Variants in TMPRSS3 observed in about 807,000 individuals in gnomAD.
TMPRSS3 encodes the protein transmembrane protease serine 3.
Under a neutral mutation model 59.6 loss-of-function variants are expected in TMPRSS3, and 55 were observed. The observed-to-expected ratio is 0.92, with a 90% CI of 0.74 to 1.16. TMPRSS3 has a LOEUF of 1.16. Ranked by LOEUF, TMPRSS3 falls within the 50% of genes most tolerant of loss-of-function variation. The probability of loss-of-function intolerance (pLI) is 0.00; values close to 1 mark genes in which losing one functional copy is unlikely to be tolerated. For missense variants in TMPRSS3, 596 were observed against 579.4 expected (o/e 1.03, Z -0.29); for synonymous variants, 257 against 237.7 (o/e 1.08, Z -0.75).
chr21:42,395,698 CTT>C, intron 1 of TMPRSS3: 1 of 421,876 alleles, frequency 2.4e-6, no homozygotes, highest in Non-Finnish European at 4.3e-6. Flanking sequence ...AAAGTATGAA[CTT>C]AATTCTGCTA....
rs1472628655 is a variant in TMPRSS3 at position 42,372,575 on chromosome 21, A to C, written c.*187T>G. The C allele has an allele frequency of 5.3e-6, 4 of 758,238 alleles. No homozygotes were observed. Among genetic ancestry groups the C allele is most frequent in the Non-Finnish European group, 9.6e-6 (4 of 414,922 alleles). The allele number at this position is 758,238 out of a possible 1,614,324, so 47.0% of individuals were successfully genotyped here. A position where few individuals can be genotyped will look rare whatever the true frequency, so the allele number is the denominator to read the frequency against. ...ACTCCATCTCAAAAAAACAAAAAACAAAAAGCAGCTTGAAGGTTGTGCTGG... is the reference window on the plus strand; with the variant it reads ...ACTCCATCTCAAAAAAACAAAAAACCAAAAGCAGCTTGAAGGTTGTGCTGG... On this transcript the variant is annotated 3_prime_UTR_variant, in exon 13 of 13. Coordinates refer to ENST00000644384, the MANE Select transcript of TMPRSS3 (RefSeq NM_001256317.3).
In TMPRSS3 at chr21:42,375,876, A is replaced by G. The variant is rs751114709; in HGVS notation, c.1192-8T>C. On this transcript the variant is annotated splice_region_variant and splice_polypyrimidine_tract_variant and intron_variant, in intron 11 of 12. Coordinates refer to ENST00000644384, the MANE Select transcript of TMPRSS3 (RefSeq NM_001256317.3). ...GGGCCCCCCGCTGTCCCCCTGGGTG[A>G]CAGGAAAGAAGCAAAGATTGGGGGA... 5.6e-6 allele frequency: 9 copies of G among 1,613,256 alleles called. No homozygotes were observed. The South Asian group carries it at 9.9e-5, about 18-fold the overall frequency.
chr21:42,389,691 G>A (rs990123576), intron 3 of TMPRSS3, among the ~76,000 whole-genome samples: 18 of 152,308 alleles, frequency 1.2e-4, no homozygotes, highest in African/African-American at 1.4e-4. Context: ...ACTCCTAACC[G>A]GGCAGGTTCC....
At chr21:42,376,768 A>G in intron 10 of TMPRSS3, 85 bp from the exon 11 acceptor site, 1 of 1,594,142 alleles carries the variant, frequency 6.3e-7, no homozygotes, top group Non-Finnish European at 8.6e-7. Flanking sequence ...CAGGGGGGTG[A>G]GGGAACGAGG....
At chr21:42,373,021 C>T (rs947869556) in intron 12 of TMPRSS3, among the ~76,000 whole-genome samples, 3 of 152,182 alleles carry the variant, frequency 2.0e-5, no homozygotes, top group African/African-American at 4.8e-5. Flanking sequence ...TCCGTCACTT[C>T]CGTAGGAAAC....
chr21:42,373,732 G>A (rs993257441), intron 12 of TMPRSS3, among the ~76,000 whole-genome samples: 5 of 152,208 alleles, frequency 3.3e-5, no homozygotes, highest in Non-Finnish European at 5.9e-5. Context: ...AGCTGGGGGG[G>A]CCTCATGCAG....
intron 9 of TMPRSS3, among the ~76,000 whole-genome samples, chr21:42,381,230 G>C (rs935180924): frequency 6.6e-6 from 1 of 152,216 alleles, no homozygotes; most frequent in African/African-American, 2.4e-5. Flanking sequence ...AGTTTTATCA[G>C]GTGTGGCTCT....
At chr21:42,382,842 G>A (rs1336250917) in intron 8 of TMPRSS3, 191 bp downstream of exon 8, 5 of 689,948 alleles carry the variant, frequency 7.2e-6, no homozygotes, top group South Asian at 1.7e-5. Flanking sequence ...ACAAGCTCAG[G>A]GTCACAAGTT....
chr21:42,379,844 G>C (rs907958111), intron 10 of TMPRSS3, among the ~76,000 whole-genome samples: 1 of 152,098 alleles, frequency 6.6e-6, no homozygotes, highest in Non-Finnish European at 1.5e-5. Context: ...CCGGGGGTCC[G>C]GGCAGGGAAA....
intron 10 of TMPRSS3, among the ~76,000 whole-genome samples, chr21:42,378,111 A>G (rs760082501): frequency 1.3e-5 from 2 of 152,230 alleles, no homozygotes; most frequent in Non-Finnish European, 2.9e-5. Context: ...ATGAAGCTAG[A>G]AAGGCCCTGG....
At chr21:42,386,654 C>T (rs2052638374) in intron 5 of TMPRSS3, among the ~76,000 whole-genome samples, 1 of 152,242 alleles carries the variant, frequency 6.6e-6, no homozygotes, top group Non-Finnish European at 1.5e-5. Flanking sequence ...AGTTCCCCTC[C>T]AAGTACGTGC....
chr21:42,374,739 A>C (rs1184152530), intron 12 of TMPRSS3, among the ~76,000 whole-genome samples: 1 of 152,158 alleles, frequency 6.6e-6, no homozygotes, highest in East Asian at 1.9e-4. Context: ...ATGTTATATA[A>C]ATTTCACTTG....
intron 11 of TMPRSS3, 41 bp from the exon 12 acceptor site, chr21:42,375,909 C>A (rs748318215): frequency 6.2e-7 from 1 of 1,610,740 alleles, no homozygotes; most frequent in East Asian, 2.2e-5. Flanking sequence ...GGACAGTCAC[C>A]GCCATGCGAG....
In TMPRSS3 at chr21:42,388,689, G is replaced by A. The variant is rs2146449111; in HGVS notation, c.323-163C>T. Among the ~76,000 whole-genome samples, 1 of 152,276 alleles carries A rather than the reference G, an allele frequency of 6.6e-6. No homozygotes were observed. The highest frequency in any genetic ancestry group is 2.4e-5 in the African/African-American group (1 of 41,566). Reference sequence around the variant, plus strand: ...CACAGAGCAGTGACTCTGGATCCCTGAGACTTCTCGCTGGTCTCATCTTAT... The same window carrying A: ...CACAGAGCAGTGACTCTGGATCCCTAAGACTTCTCGCTGGTCTCATCTTAT... On this transcript the variant is annotated intron_variant, in intron 4 of 12. Coordinates refer to ENST00000644384, the MANE Select transcript of TMPRSS3 (RefSeq NM_001256317.3). This position sits in a 1 kb window ranked among gnomAD's most constrained non-coding sequence, Gnocchi z 5.1.
At chr21:42,392,011 T>C (rs2052740654) in intron 2 of TMPRSS3, among the ~76,000 whole-genome samples, 2 of 152,110 alleles carry the variant, frequency 1.3e-5, no homozygotes, top group African/African-American at 2.4e-5. Flanking sequence ...ATCCTAAAAA[T>C]ACATGAATGC....
In TMPRSS3 at chr21:42,388,659, C is replaced by T. The variant is rs1423460586; in HGVS notation, c.323-133G>A. On this transcript the variant is annotated intron_variant, in intron 4 of 12. Transcript: ENST00000644384. The surrounding 1 kb of genome is among the most constrained non-coding windows in gnomAD (Gnocchi z 5.1). ...CCCACTTCTTGTCCACGGCAGCCTCCCCATCACAGAGCAGTGACTCTGGAT... is the reference window on the plus strand; with the variant it reads ...CCCACTTCTTGTCCACGGCAGCCTCTCCATCACAGAGCAGTGACTCTGGAT... 1.1e-5 allele frequency: 14 copies of T among 1,289,646 alleles called. No homozygotes were observed. In the Admixed American group the frequency reaches 1.6e-4, roughly 15 times the overall value. The allele number at this position is 1,289,646 out of a possible 1,614,324, so 79.9% of individuals were successfully genotyped here. A position where few individuals can be genotyped will look rare whatever the true frequency, so the allele number is the denominator to read the frequency against.
At chr21:42,373,075 C>T (rs897624959) in intron 12 of TMPRSS3, among the ~76,000 whole-genome samples, 2 of 152,190 alleles carry the variant, frequency 1.3e-5, no homozygotes, top group African/African-American at 4.8e-5. Context: ...GTTTGAGTCA[C>T]AACAATTTTG....
rs759150161 is a variant in TMPRSS3, at chr21:42,395,441, C to T, written c.-24G>A. On this transcript the variant is annotated 5_prime_UTR_variant, in exon 2 of 13. An upstream start codon of the reference 5' UTR is lost. Transcript: ENST00000644384. ...ATGGTGACTATTTCAGGACCTCTGA[C>T]ATCCGGCTCCGCCTCCACCTCTACC... 6.2e-6 allele frequency: 10 copies of T among 1,601,246 alleles called. No individual in the cohort carries two copies. The East Asian group carries it at 8.9e-5, about 14-fold the overall frequency.
Position 42,372,301 on chromosome 21 carries a change from T to C in TMPRSS3, c.*461A>G. The stretch of plus-strand genomic sequence containing the variant: ...GAGGCTAGGCGTGGTGGCCCATGCC[T>C]GTAATCCCAGCACTGTGGGAGGCTG... On this transcript the variant is annotated 3_prime_UTR_variant, in exon 13 of 13. Transcript: ENST00000644384. The C allele has an allele frequency of 2.2e-6, 1 of 454,776 alleles. No individual in the cohort carries two copies. The highest frequency in any genetic ancestry group is 4.4e-6 in the Non-Finnish European group (1 of 227,178). The allele number at this position is 454,776 out of a possible 1,614,324, so 28.2% of individuals were successfully genotyped here. A position where few individuals can be genotyped will look rare whatever the true frequency, so the allele number is the denominator to read the frequency against.
Sources: gnomAD v4.1 joint callset for allele counts (sites outside exome capture counted in the v4.1 genomes callset) on GRCh38, gnomAD v4.1.1 for gene constraint, Gnocchi (gnomAD v3.1) non-coding constraint, MANE v1.5 for transcripts, NCBI Gene and HGNC (gene_info 2026-07-23, HGNC 2026-07-21) for gene names.